Variants in EYS observed in about 807,000 individuals in gnomAD.
The protein encoded by EYS is protein eyes shut homolog.
EYS carries 250 observed loss-of-function variants against 282.1 expected under a neutral mutation model. The observed-to-expected ratio is 0.89, with a 90% CI of 0.80 to 0.98. The LOEUF (loss-of-function observed/expected upper bound fraction) is 0.98, where lower values mean the gene tolerates loss of function less well. EYS is among the 50% of genes least tolerant of loss of function. The pLI is 0.00. For missense variants in EYS, 4,016 were observed against 3,709.0 expected, an observed-to-expected ratio of 1.08 and a Z score of -2.15; for synonymous variants, 1,355 against 1,282.9, an observed-to-expected ratio of 1.06 and a Z score of -1.20.
chr6:64,332,656 C>T (rs192867617), intron 29 of EYS, among the ~76,000 whole-genome samples: 3 of 152,262 alleles, frequency 2.0e-5, no homozygotes, highest in African/African-American at 4.8e-5. Flanking sequence ...CAAGCCACTA[C>T]TGACAAGGGC....
chr6:64,210,167 C>A (rs1481175839), intron 31 of EYS, among the ~76,000 whole-genome samples: 2 of 152,292 alleles, frequency 1.3e-5, no homozygotes, highest in South Asian at 2.1e-4. Context: ...TTTTAAAAGA[C>A]AGCTTCATAT....
intron 36 of EYS, among the ~76,000 whole-genome samples, chr6:63,829,384 G>T (rs926089921): frequency 6.6e-6 from 1 of 152,200 alleles, no homozygotes; most frequent in Non-Finnish European, 1.5e-5. Flanking sequence ...CTTCTCCAAT[G>T]GTCTTAGCAA....
chr6:65,521,046 A>G (rs1191172341), intron 2 of EYS, among the ~76,000 whole-genome samples: 1 of 152,162 alleles, frequency 6.6e-6, no homozygotes, highest in Non-Finnish European at 1.5e-5. Flanking sequence ...CCAAAAAATT[A>G]TTACAATTTC....
At chr6:65,532,735 C>A (rs1421182940) in intron 2 of EYS, among the ~76,000 whole-genome samples, 4 of 152,112 alleles carry the variant, frequency 2.6e-5, no homozygotes, top group African/African-American at 9.7e-5. Context: ...CCCTTTCCCA[C>A]ATTCCCTAGA....
intron 31 of EYS, among the ~76,000 whole-genome samples, chr6:64,144,472 A>G (rs1424439504): frequency 6.6e-6 from 1 of 152,144 alleles, no homozygotes; most frequent in East Asian, 1.9e-4. Flanking sequence ...ATTTGCTATG[A>G]AGCAAGTGAG....
At chr6:64,101,090 C>G (rs905595240) in intron 31 of EYS, among the ~76,000 whole-genome samples, 2 of 152,106 alleles carry the variant, frequency 1.3e-5, no homozygotes, top group African/African-American at 2.4e-5. Flanking sequence ...ACGGATTCCT[C>G]TCAGTTTTTT....
intron 31 of EYS, among the ~76,000 whole-genome samples, chr6:64,093,888 G>T (rs1772474344): frequency 6.6e-6 from 1 of 152,134 alleles, no homozygotes; most frequent in South Asian, 2.1e-4. Flanking sequence ...ATTGGCTGTG[G>T]ATTTGTCATA....
At chr6:64,349,253 G>A (rs924306250) in intron 29 of EYS, among the ~76,000 whole-genome samples, 2 of 150,900 alleles carry the variant, frequency 1.3e-5, no homozygotes, top group Admixed American at 6.6e-5. Flanking sequence ...CTTGCTATCC[G>A]TATTGTTTAA....
At chr6:64,429,226 T>G (rs1008671903) in intron 28 of EYS, among the ~76,000 whole-genome samples, 2 of 152,206 alleles carry the variant, frequency 1.3e-5, no homozygotes, top group African/African-American at 4.8e-5. Context: ...GGTAATATGT[T>G]TTCAAGTAAA....
At chr6:65,457,311 T>C (rs545428820) in intron 5 of EYS, among the ~76,000 whole-genome samples, 1 of 152,222 alleles carries the variant, frequency 6.6e-6, no homozygotes, top group South Asian at 2.1e-4. Context: ...ACCACAGGCA[T>C]GTGCCACCAT....
intron 30 of EYS, among the ~76,000 whole-genome samples, chr6:64,279,707 G>T (rs980418570): frequency 8.5e-5 from 13 of 152,146 alleles, no homozygotes; most frequent in Non-Finnish European, 1.2e-4. Flanking sequence ...ATGTCCTGTA[G>T]TATATTCAAA....
chr6:65,017,507 T>C (rs1772093803), intron 13 of EYS, among the ~76,000 whole-genome samples: 1 of 152,194 alleles, frequency 6.6e-6, no homozygotes, highest in African/African-American at 2.4e-5. Flanking sequence ...TTCATGTTAG[T>C]AAAATATTTT....
chr6:65,258,562 A>G (rs1442030191), intron 12 of EYS, among the ~76,000 whole-genome samples: 3 of 152,066 alleles, frequency 2.0e-5, no homozygotes, highest in Non-Finnish European at 4.4e-5. Context: ...AGAGCTATGT[A>G]ATCCAACCAA....
chr6:64,105,421 T>G (rs1582275759), intron 31 of EYS, among the ~76,000 whole-genome samples: 2 of 152,246 alleles, frequency 1.3e-5, no homozygotes, highest in East Asian at 3.9e-4. Context: ...ACATGGATTG[T>G]TACAATCCAT....
chr6:65,327,298 C>T (rs1217045086), intron 11 of EYS, among the ~76,000 whole-genome samples: 1 of 151,520 alleles, frequency 6.6e-6, no homozygotes, highest in Admixed American at 6.6e-5. Flanking sequence ...ACCTCTTAAC[C>T]TAGAATTGCT....
intron 12 of EYS, among the ~76,000 whole-genome samples, chr6:65,195,253 G>A (rs941416708): frequency 3.9e-5 from 6 of 151,938 alleles, no homozygotes; most frequent in African/African-American, 1.4e-4. Context: ...TGTATTAGTA[G>A]AGTTGTTTTT....
At chr6:64,146,246 T>C (rs991547304) in intron 31 of EYS, among the ~76,000 whole-genome samples, 2 of 152,196 alleles carry the variant, frequency 1.3e-5, no homozygotes, top group African/African-American at 4.8e-5. Context: ...TACCATCCAT[T>C]GTACTCACTC....
intron 12 of EYS, among the ~76,000 whole-genome samples, chr6:65,109,717 T>G (rs1285385906): frequency 1.3e-5 from 2 of 151,982 alleles, no homozygotes; most frequent in African/African-American, 4.8e-5. Context: ...GAGCACTGCT[T>G]GTACTGTCCT....
intron 1 of EYS, among the ~76,000 whole-genome samples, chr6:65,668,209 A>T (rs747220198): frequency 6.6e-6 from 1 of 151,842 alleles, no homozygotes; most frequent in Non-Finnish European, 1.5e-5. Context: ...TGAATCAATG[A>T]TTAGTAGAAA....
Sources: allele counts gnomAD v4.1 joint callset (sites outside exome capture counted in the v4.1 genomes callset), GRCh38; gene constraint gnomAD v4.1.1; transcripts MANE v1.5; gene names NCBI Gene and HGNC (gene_info 2026-07-23, HGNC 2026-07-21).